Variants in SLC24A2 observed in about 807,000 individuals in gnomAD.
The protein encoded by SLC24A2 is solute carrier family 24 member 2.
A neutral mutation model predicts 62.0 loss-of-function variants in SLC24A2; 36 were observed. The observed-to-expected ratio is 0.58, with a 90% CI of 0.44 to 0.77. SLC24A2 has a LOEUF of 0.77. SLC24A2 is among the 30% of genes least tolerant of loss of function. The pLI is 0.00. For synonymous variants in SLC24A2, 358 were observed against 294.0 expected, an observed-to-expected ratio of 1.22 and a Z score of -2.23; for missense variants, 846 against 817.9, an observed-to-expected ratio of 1.03 and a Z score of -0.42.
At chr9:19,818,112 G>A in the SLC24A2 span, among the ~76,000 whole-genome samples, 1 of 152,078 alleles carries the variant, frequency 6.6e-6, no homozygotes, top group Non-Finnish European at 1.5e-5. Flanking sequence ...CAAGGACTAC[G>A]AGATTTATTT....
the SLC24A2 span, among the ~76,000 whole-genome samples, chr9:20,233,297 C>T: frequency 4.6e-5 from 7 of 152,162 alleles, no homozygotes; most frequent in African/African-American, 1.2e-4. Flanking sequence ...CTTTCTGTCT[C>T]GTTGATCTGT....
the SLC24A2 span, among the ~76,000 whole-genome samples, chr9:20,241,331 A>C: frequency 1.3e-5 from 2 of 152,218 alleles, no homozygotes; most frequent in Admixed American, 1.3e-4. Flanking sequence ...ACAAATTACC[A>C]GTTCAATTCA....
chr9:20,070,508 AC>A, the SLC24A2 span, among the ~76,000 whole-genome samples: 3 of 152,200 alleles, frequency 2.0e-5, no homozygotes, highest in African/African-American at 4.8e-5. Context: ...AACCAAAGAA[AC>A]CGCAGGCAGC....
intron 2 of SLC24A2, among the ~76,000 whole-genome samples, chr9:19,660,026 G>T (rs1346336413): frequency 2.6e-5 from 4 of 152,188 alleles, no homozygotes; most frequent in African/African-American, 7.2e-5. Flanking sequence ...CACTTGACAA[G>T]CTGGAATTCT....
chr9:20,007,173 AAC>A, the SLC24A2 span, among the ~76,000 whole-genome samples: 1 of 152,292 alleles, frequency 6.6e-6, no homozygotes, highest in Non-Finnish European at 1.5e-5. Flanking sequence ...GCAAATAAAA[AAC>A]AGTTTTCACA....
At chr9:19,959,611 G>A in the SLC24A2 span, among the ~76,000 whole-genome samples, 1 of 152,172 alleles carries the variant, frequency 6.6e-6, no homozygotes, top group Non-Finnish European at 1.5e-5. Flanking sequence ...TGAACTGAAA[G>A]AATGCAGACC....
intron 2 of SLC24A2, among the ~76,000 whole-genome samples, chr9:19,751,410 A>T (rs1821979666): frequency 6.6e-6 from 1 of 152,148 alleles, no homozygotes; most frequent in South Asian, 2.1e-4. Flanking sequence ...ATATTTTTTC[A>T]AAATTTAAAA....
At chr9:19,760,513 C>T (rs1822286564) in intron 2 of SLC24A2, among the ~76,000 whole-genome samples, 1 of 151,924 alleles carries the variant, frequency 6.6e-6, no homozygotes, top group Admixed American at 6.6e-5. Context: ...GCTATCCCTC[C>T]CCTTGTCCCT....
At chr9:19,801,231 G>A in the SLC24A2 span, among the ~76,000 whole-genome samples, 8 of 152,174 alleles carry the variant, frequency 5.3e-5, no homozygotes, top group African/African-American at 1.4e-4. Context: ...CCTGGGTCAC[G>A]GAAGAGAACT....
chr9:19,726,991 A>T (rs1821190709), intron 2 of SLC24A2, among the ~76,000 whole-genome samples: 2 of 152,176 alleles, frequency 1.3e-5, no homozygotes, highest in South Asian at 2.1e-4. Flanking sequence ...GACCTCTGTG[A>T]AGTCAATCCC....
At chr9:19,745,863 G>A (rs1381676355) in intron 2 of SLC24A2, among the ~76,000 whole-genome samples, 1 of 152,150 alleles carries the variant, frequency 6.6e-6, no homozygotes, top group Non-Finnish European at 1.5e-5. Context: ...AAGAGATTAA[G>A]TGACTTTCTT....
chr9:19,545,706 A>G (rs1015986134), intron 8 of SLC24A2, among the ~76,000 whole-genome samples: 1 of 151,144 alleles, frequency 6.6e-6, no homozygotes, highest in African/African-American at 2.4e-5. Context: ...TGGTGCAATC[A>G]TGGCTCACTG....
the SLC24A2 span, among the ~76,000 whole-genome samples, chr9:20,305,156 T>A: frequency 6.6e-6 from 1 of 150,514 alleles, no homozygotes. Context: ...GTCACCACGC[T>A]GGAGTGCAGT....
chr9:19,907,216 T>C, the SLC24A2 span, among the ~76,000 whole-genome samples: 2 of 152,132 alleles, frequency 1.3e-5, no homozygotes, highest in Non-Finnish European at 2.9e-5. Context: ...ACAGAACCAA[T>C]GACAAAAACC....
the SLC24A2 span, among the ~76,000 whole-genome samples, chr9:20,111,320 G>T: frequency 6.6e-6 from 1 of 152,256 alleles, no homozygotes; most frequent in South Asian, 2.1e-4. Flanking sequence ...CCCAGGCTTT[G>T]CTGTCAGTCC....
intron 4 of SLC24A2, among the ~76,000 whole-genome samples, chr9:19,609,824 C>T (rs1837096508): frequency 1.3e-5 from 2 of 152,104 alleles, no homozygotes; most frequent in Admixed American, 1.3e-4. Flanking sequence ...TGAAACTGTT[C>T]CACTTCAGAT....
intron 4 of SLC24A2, among the ~76,000 whole-genome samples, chr9:19,605,031 G>A (rs1490357117): frequency 6.6e-6 from 1 of 152,174 alleles, no homozygotes; most frequent in African/African-American, 2.4e-5. Context: ...GATTACATAA[G>A]TCAGTTTAAA....
the SLC24A2 span, among the ~76,000 whole-genome samples, chr9:19,877,880 G>C: frequency 6.6e-6 from 1 of 151,970 alleles, no homozygotes; most frequent in African/African-American, 2.4e-5. Flanking sequence ...CTTCAACCCT[G>C]GTTCCATCTT....
At chr9:20,101,929 C>T in the SLC24A2 span, among the ~76,000 whole-genome samples, 10 of 152,252 alleles carry the variant, frequency 6.6e-5, no homozygotes, top group East Asian at 3.9e-4. Flanking sequence ...GGGACAAACA[C>T]GTCTGAGCTT....
Sources: gnomAD v4.1 joint callset for allele counts (sites outside exome capture counted in the v4.1 genomes callset) on GRCh38, gnomAD v4.1.1 for gene constraint, MANE v1.5 for transcripts, NCBI Gene and HGNC (gene_info 2026-07-23, HGNC 2026-07-21) for gene names.